Variants in HIP1R observed in about 807,000 individuals in gnomAD.
The protein encoded by HIP1R is huntingtin-interacting protein 1-related protein.
HIP1R carries 135 observed loss-of-function variants against 144.2 expected under a neutral mutation model. The observed-to-expected ratio is 0.94, with a 90% CI of 0.81 to 1.08. The LOEUF is 1.08. Ranked by LOEUF, HIP1R falls within the 50% of genes least tolerant of loss-of-function variation. The pLI, the probability that HIP1R is intolerant of heterozygous loss-of-function variation, is 0.00. For synonymous variants in HIP1R, 698 were observed against 612.8 expected (o/e 1.14, Z -2.05); for missense variants, 1,462 against 1,432.8 (o/e 1.02, Z -0.33).
rs930851312 is a variant in HIP1R, at chr12:122,862,363, A to C, written c.*610A>C. On this transcript the variant is annotated 3_prime_UTR_variant, in exon 32 of 32. Coordinates refer to ENST00000253083, the MANE Select transcript of HIP1R (RefSeq NM_003959.3). ...CGGGCCTCCGTGATGGGAGCCCCCC[A>C]GGAGGGGTCAGATGCTGGAAGGGGC... is the stretch of plus-strand genomic sequence containing the variant. The C allele has an allele frequency of 4.6e-5, 7 of 152,504 alleles. No homozygotes were observed. Among genetic ancestry groups the C allele is most frequent in the African/African-American group, 1.7e-4 (7 of 41,456 alleles). The allele number at this position is 152,504 out of a possible 1,614,324, so 9.4% of individuals were successfully genotyped here.
chr12:122,858,018 T>C, intron 18 of HIP1R, 84 bp from the exon 19 acceptor site: 3 of 1,266,774 alleles, frequency 2.4e-6, no homozygotes, highest in South Asian at 3.1e-5. Context: ...CTCCAACTGG[T>C]GGCCCATGGG....
upstream of HIP1R, chr12:122,834,802 A>G (rs1364575459): frequency 6.2e-6 from 3 of 484,390 alleles, no homozygotes; most frequent in Non-Finnish European, 1.0e-5. Context: ...CGTCTCTGGA[A>G]ATGCATCCTG....
Position 122,859,134 on chromosome 12 carries a change from T to C in HIP1R, c.2232T>C (p.Ala744=). 1 of 1,591,246 alleles carries C rather than the reference T, an allele frequency of 6.3e-7. No individual in the cohort carries two copies. Among genetic ancestry groups the C allele is most frequent in the South Asian group, 1.1e-5 (1 of 88,280 alleles). ...TGGGGCAGCTGCAGGACCAGCAGGC[T>C]CTGCGGCACATGCAGGCCAGCCTGG... ...ELMGQLQDQQ[A]LRHMQASLVR... is the part of the protein sequence containing the mutation. Residue 744 remains alanine, a synonymous_variant, in exon 22 of 32, where the codon GCT becomes GCC. Coordinates refer to ENST00000253083, the MANE Select transcript of HIP1R (RefSeq NM_003959.3).
chr12:122,858,108 C>A lies in HIP1R; in HGVS notation c.1822C>A (p.Gln608Lys). 6.3e-7 allele frequency: 1 copy of A among 1,582,274 alleles called. No individual in the cohort carries two copies. Among genetic ancestry groups the A allele is most frequent in the Non-Finnish European group, 8.6e-7 (1 of 1,166,374 alleles). The change falls in exon 19 of 32, where the codon CAG becomes AAG. Residue 608 changes from glutamine to lysine, a missense_variant. Around this residue, in one of 2 missense-constraint regions of HIP1R, gnomAD observed 1,112 missense variants for 1,011.7 expected, o/e 1.10. Transcript: ENST00000253083. ...LQGRLAERES[Q>K]EQGLRQRLLD... ...TCTTCACCCCCATTGCCAGGAGTCT[C>A]AGGAGCAGGGGCTGCGGCAGAGGCT...
At chr12:122,848,404 G>C (rs1350695328) in intron 2 of HIP1R, 62 bp from the exon 3 acceptor site, 1 of 1,554,634 alleles carries the variant, frequency 6.4e-7, no homozygotes, top group Non-Finnish European at 8.7e-7. Flanking sequence ...GCCTCTCTCA[G>C]CCGGGTTTGC....
intron 1 of HIP1R, among the ~76,000 whole-genome samples, chr12:122,844,091 G>A (rs1486399040): frequency 6.6e-6 from 1 of 151,952 alleles, no homozygotes; most frequent in South Asian, 2.1e-4. Flanking sequence ...CACCTGCCTC[G>A]GTCTCCCAAA....
Position 122,860,132 on chromosome 12 carries a change from G to C in HIP1R, c.2497-16G>C, listed in dbSNP as rs577461642. 10 of 1,589,426 alleles carry C rather than the reference G, an allele frequency of 6.3e-6. No individual in the cohort carries two copies. Among genetic ancestry groups the C allele is most frequent in the Non-Finnish European group, 8.6e-6 (10 of 1,169,342 alleles). ...ACCTGGAGGGCCACCAGTCATTGCT[G>C]TCTTGGTCTCGGCAGGCTATCCGGC... On this transcript the variant is annotated splice_polypyrimidine_tract_variant and intron_variant, in intron 25 of 31. Coordinates refer to ENST00000253083, the MANE Select transcript of HIP1R (RefSeq NM_003959.3).
In HIP1R at chr12:122,850,852, G is replaced by A. The variant is rs754235822; in HGVS notation, c.456G>A (p.Ala152=). The part of the protein sequence containing the change: ...SFHLKHPQFP[A]GLEVTDEVLE... ...CTCCACAGCATCCCCAGTTTCCCGC[G>A]GGCCTGGAGGTGACAGATGAGGTAC... is the stretch of plus-strand genomic sequence containing the variant. The change falls in exon 6 of 32, where the codon GCG becomes GCA. Residue 152 remains alanine (A), a synonymous_variant. Coordinates refer to ENST00000253083, the MANE Select transcript of HIP1R (RefSeq NM_003959.3). 6.2e-6 allele frequency: 10 copies of A among 1,609,594 alleles called. No homozygotes were observed. Among genetic ancestry groups the A allele is most frequent in the South Asian group, 2.2e-5 (2 of 90,192 alleles).
intron 1 of HIP1R, among the ~76,000 whole-genome samples, chr12:122,837,318 A>AT (rs200083960): frequency 0.043 from 6,020 of 140,106 alleles, 194 homozygotes; most frequent in East Asian, 0.19. Flanking sequence ...AAGAAGGTGG[A>AT]TTTTTTTTTT....
intron 6 of HIP1R, 51 bp downstream of exon 6, chr12:122,850,962 C>T (rs1261831375): frequency 3.3e-6 from 5 of 1,530,770 alleles, no homozygotes; most frequent in Non-Finnish European, 3.6e-6. Context: ...CTTCCCCATT[C>T]CTTCCTACCG....
At chr12:122,841,791 C>G (rs531860690) in intron 1 of HIP1R, among the ~76,000 whole-genome samples, 14 of 152,124 alleles carry the variant, frequency 9.2e-5, no homozygotes, top group Non-Finnish European at 1.9e-4. Flanking sequence ...AGGAACAGTC[C>G]TCCTACTACT....
Position 122,855,851 on chromosome 12 carries a change from T to TG in HIP1R, c.1077dup (p.Lys360GlufsTer10). On this transcript the variant is annotated frameshift_variant, in exon 13 of 32. Coordinates refer to ENST00000253083, the MANE Select transcript of HIP1R (RefSeq NM_003959.3). LOFTEE classifies it high-confidence loss of function. ...CCCAGGGACCTCCAGATTGAGAGCT[T>TG]GAAGAGAGAGGTGGAAATGCTCCGC... 6.4e-7 allele frequency: 1 copy of TG among 1,565,210 alleles called. No individual in the cohort carries two copies. The highest frequency in any genetic ancestry group is 1.2e-5 in the South Asian group (1 of 84,942).
intron 1 of HIP1R, among the ~76,000 whole-genome samples, chr12:122,843,675 A>C (rs1225200191): frequency 2.0e-5 from 3 of 152,094 alleles, no homozygotes; most frequent in African/African-American, 7.2e-5. Context: ...AGTTGTGAGC[A>C]GGTGGCCCCT....
upstream of HIP1R, chr12:122,835,146 T>G (rs1593852852): frequency 4.8e-6 from 2 of 417,288 alleles, no homozygotes; most frequent in Non-Finnish European, 6.8e-6. Context: ...GGGGAGGAGC[T>G]GGGGGGGCGT....
intron 4 of HIP1R, 69 bp downstream of exon 4, chr12:122,848,921 G>A: frequency 6.5e-7 from 1 of 1,528,236 alleles, no homozygotes; most frequent in Non-Finnish European, 9.1e-7. Context: ...CTGAGCGAAG[G>A]GTGGCTCCCT....
At position 122,849,891 on chromosome 12, in the gene HIP1R, G is replaced by T. The variant is rs375128048; in HGVS notation, c.374G>T (p.Arg125Leu). ...IGDLWGHLHD[R>L]YGQLVNVYTK... ...TTCACACAGGGACATTTGCATGACC[G>T]CTACGGACAGCTGGTGAATGTCTAC... The change falls in exon 5 of 32, where the codon CGC becomes CTC. Residue 125 changes from arginine (R) to leucine (L), a missense_variant. Physicochemically the swap from Arg to Leu is moderately radical, Grantham distance 102 (BLOSUM62 -2). Coordinates refer to ENST00000253083, the MANE Select transcript of HIP1R (RefSeq NM_003959.3). The T allele has an allele frequency of 6.2e-7, 1 of 1,613,124 alleles. No homozygotes were observed. Among genetic ancestry groups the T allele is most frequent in the Non-Finnish European group, 8.5e-7 (1 of 1,179,582 alleles).
chr12:122,848,750 A>G, intron 3 of HIP1R, 46 bp from the exon 4 acceptor site: 5 of 1,608,938 alleles, frequency 3.1e-6, no homozygotes, highest in Non-Finnish European at 4.2e-6. Context: ...GGGCCCTGCC[A>G]CACGGTCCTG....
At chr12:122,860,848 G>T in intron 28 of HIP1R, 64 bp downstream of exon 28, 1 of 1,595,524 alleles carries the variant, frequency 6.3e-7, no homozygotes, top group East Asian at 2.3e-5. Context: ...GGCTGTGGCT[G>T]CCAAGCCCAG....
chr12:122,860,544 G>T (rs370735146), intron 27 of HIP1R, 21 bp downstream of exon 27: 4 of 1,579,760 alleles, frequency 2.5e-6, no homozygotes, highest in South Asian at 1.1e-5. Context: ...CTGGGTGGGG[G>T]GGGGCAGGGG....
Sources: gnomAD v4.1 joint callset for allele counts (sites outside exome capture counted in the v4.1 genomes callset) on GRCh38, gnomAD v4.1.1 for gene constraint, gnomAD v4.1.1 regional missense constraint, MANE v1.5 for transcripts, NCBI Gene and HGNC (gene_info 2026-07-23, HGNC 2026-07-21) for gene names.